NR3C1: variants seen among roughly 807,000 people sequenced by gnomAD.
NR3C1 encodes glucocorticoid receptor.
A neutral mutation model predicts 74.0 loss-of-function variants in NR3C1; 14 were observed. That is an observed-to-expected ratio of 0.19 (90% CI 0.12 to 0.30). The LOEUF (loss-of-function observed/expected upper bound fraction) is 0.30, where lower values mean the gene tolerates loss of function less well. Ranked by LOEUF, NR3C1 falls within the 10% of genes least tolerant of loss-of-function variation. The pLI, the probability that NR3C1 is intolerant of heterozygous loss-of-function variation, is 1.00. For synonymous variants in NR3C1, 308 were observed against 332.5 expected (o/e 0.93, Z 0.80); for missense variants, 695 against 909.8 (o/e 0.76, Z 3.04).
At chr5:143,383,542 T>G (rs1464454949) in intron 2 of NR3C1, among the ~76,000 whole-genome samples, 1 of 152,230 alleles carries the variant, frequency 6.6e-6, no homozygotes, top group African/African-American at 2.4e-5. Flanking sequence ...AAGAACTGTG[T>G]GGTCTGTGGC....
At chr5:143,415,506 G>A (rs1841447799) in intron 1 of NR3C1, among the ~76,000 whole-genome samples, 1 of 152,086 alleles carries the variant, frequency 6.6e-6, no homozygotes, top group Admixed American at 6.6e-5. Flanking sequence ...ATACATGGAT[G>A]CATGCATGCA....
upstream of NR3C1, among the ~76,000 whole-genome samples, chr5:143,406,423 A>C (rs1201966924): frequency 2.0e-5 from 3 of 150,966 alleles, no homozygotes; most frequent in Non-Finnish European, 4.4e-5. Context: ...AAAAAAAAAA[A>C]CTTATCCTAA....
At chr5:143,324,959 G>T (rs1824240173) in intron 2 of NR3C1, among the ~76,000 whole-genome samples, 1 of 152,120 alleles carries the variant, frequency 6.6e-6, no homozygotes. Flanking sequence ...CCTCAGCCTG[G>T]ATCTTATTGT....
chr5:143,379,956 G>A (rs1835891788), intron 2 of NR3C1, among the ~76,000 whole-genome samples: 1 of 152,124 alleles, frequency 6.6e-6, no homozygotes, highest in Admixed American at 6.5e-5. Flanking sequence ...CTGTTAATAT[G>A]GAAGGATACT....
In NR3C1 at chr5:143,336,870, T is replaced by C. The variant is rs371544858; in HGVS notation, c.1185-22702A>G. 4.2e-4 allele frequency among the ~76,000 whole-genome samples: 64 copies of C among 151,698 alleles called. 1 individual carries two copies. The highest frequency in any genetic ancestry group is 1.4e-3 in the African/African-American group (60 of 41,434). ...GTGGCATACCTGTAATCCTAGCTACTCGGGTTGCTGAGACAGGGAAAAGCT... is the reference window on the plus strand; with the variant it reads ...GTGGCATACCTGTAATCCTAGCTACCCGGGTTGCTGAGACAGGGAAAAGCT... On this transcript the variant is annotated intron_variant, in intron 2 of 8. Coordinates refer to ENST00000394464, the MANE Select transcript of NR3C1 (RefSeq NM_000176.3).
chr5:143,326,257 G>GT (rs1316935543), intron 2 of NR3C1, among the ~76,000 whole-genome samples: 1 of 152,208 alleles, frequency 6.6e-6, no homozygotes, highest in Non-Finnish European at 1.5e-5. Context: ...GCTTGACAGA[G>GT]TTTTTTAAGA....
chr5:143,324,962 C>G (rs1824240890), intron 2 of NR3C1, among the ~76,000 whole-genome samples: 1 of 152,180 alleles, frequency 6.6e-6, no homozygotes. Flanking sequence ...CAGCCTGGAT[C>G]TTATTGTTCA....
upstream of NR3C1, chr5:143,405,289 T>A (rs72557308): frequency 1.8e-4 from 178 of 985,532 alleles, 1 homozygote; most frequent in African/African-American, 2.9e-3. Context: ...CTGCCGCAGC[T>A]CCACCTAATC....
chr5:143,307,715 A>T (rs1200225432), intron 4 of NR3C1, among the ~76,000 whole-genome samples: 2 of 152,232 alleles, frequency 1.3e-5, no homozygotes, highest in Non-Finnish European at 2.9e-5. Flanking sequence ...AAATAAACCA[A>T]AGGGCACTAA....
intron 2 of NR3C1, among the ~76,000 whole-genome samples, chr5:143,336,136 T>C (rs550395165): frequency 2.0e-5 from 3 of 152,356 alleles, no homozygotes; most frequent in Admixed American, 6.5e-5. Context: ...AAAGCTCTCA[T>C]TTTGAATCAA....
chr5:143,330,046 T>C (rs1450544256), intron 2 of NR3C1, among the ~76,000 whole-genome samples: 2 of 152,212 alleles, frequency 1.3e-5, no homozygotes, highest in Non-Finnish European at 2.9e-5. Flanking sequence ...AGTTTCACTT[T>C]TGAAAATTTA....
At position 143,278,591 on chromosome 5, in the gene NR3C1, C is replaced by CAA. The variant is rs971617101; in HGVS notation, c.*3296_*3297dup. 6.6e-6 allele frequency: 1 copy of CAA among 151,842 alleles called. No individual in the cohort carries two copies. The highest frequency in any genetic ancestry group is 1.5e-5 in the Non-Finnish European group (1 of 67,950). The allele number at this position is 151,842 out of a possible 1,614,324, so 9.4% of individuals were successfully genotyped here. ...GACACTAAAACCAGACACACACACA[C>CAA]AAAAACACATTCACCTACAGCTACA... On this transcript the variant is annotated 3_prime_UTR_variant, in exon 9 of 9. Coordinates refer to ENST00000394464, the MANE Select transcript of NR3C1 (RefSeq NM_000176.3).
chr5:143,348,517 C>T (rs1167782842), intron 2 of NR3C1, among the ~76,000 whole-genome samples: 2 of 152,156 alleles, frequency 1.3e-5, no homozygotes, highest in Non-Finnish European at 2.9e-5. Context: ...AAGTGACACG[C>T]CACCTTCTTG....
intron 2 of NR3C1, chr5:143,332,786 T>C: frequency 1.3e-6 from 2 of 1,567,200 alleles, no homozygotes; most frequent in Non-Finnish European, 1.7e-6. Context: ...TCGAAAGGAT[T>C]GATGGCGTGA....
At chr5:143,383,355 T>G (rs1307028825) in intron 2 of NR3C1, among the ~76,000 whole-genome samples, 1 of 152,264 alleles carries the variant, frequency 6.6e-6, no homozygotes, top group Non-Finnish European at 1.5e-5. Context: ...TGTGGTTCTT[T>G]GTTCAAACAG....
chr5:143,435,014 G>C, exon 1 of NR3C1: 3 of 985,100 alleles, frequency 3.0e-6, no homozygotes, highest in Non-Finnish European at 3.6e-6. Flanking sequence ...GAATTTCCTA[G>C]TTCAGCTCAG....
chr5:143,302,644 C>T (rs993234362), intron 4 of NR3C1, among the ~76,000 whole-genome samples: 5 of 152,018 alleles, frequency 3.3e-5, no homozygotes, highest in Non-Finnish European at 1.5e-5. Flanking sequence ...TAATTTCTCA[C>T]TACTTATATA....
At chr5:143,434,915 T>G (rs1310408526) in exon 1 of NR3C1, 1 of 984,898 alleles carries the variant, frequency 1.0e-6, no homozygotes, top group African/African-American at 1.8e-5. Flanking sequence ...ATTTCAGAAG[T>G]GAAGAAAATT....
chr5:143,362,016 C>T (rs952460904), intron 2 of NR3C1, among the ~76,000 whole-genome samples: 1 of 152,076 alleles, frequency 6.6e-6, no homozygotes, highest in East Asian at 1.9e-4. Context: ...TTGGGTTTTA[C>T]AAAAAGTGCT....
Sources: allele counts gnomAD v4.1 joint callset (sites outside exome capture counted in the v4.1 genomes callset), GRCh38; gene constraint gnomAD v4.1.1; transcripts MANE v1.5; gene names NCBI Gene and HGNC (gene_info 2026-07-23, HGNC 2026-07-21).